Variants in KALRN observed in about 807,000 individuals in gnomAD.
KALRN encodes kalirin RhoGEF kinase.
Under a neutral mutation model 353.7 loss-of-function variants are expected in KALRN, and 70 were observed. The ratio of observed to expected loss-of-function variants is 0.20; its 90% confidence interval spans 0.16 to 0.24. KALRN has a LOEUF of 0.24. KALRN is among the 10% of genes least tolerant of loss of function. The probability of loss-of-function intolerance (pLI) is 1.00; values close to 1 mark genes in which losing one functional copy is unlikely to be tolerated. For synonymous variants in KALRN, 1,391 were observed against 1,434.8 expected, an observed-to-expected ratio of 0.97 and a Z score of 0.69; for missense variants, 2,791 against 3,756.7, an observed-to-expected ratio of 0.74 and a Z score of 6.72.
intron 51 of KALRN, among the ~76,000 whole-genome samples, chr3:124,691,345 T>C (rs775692611): frequency 6.6e-6 from 1 of 152,168 alleles, no homozygotes; most frequent in Non-Finnish European, 1.5e-5. Flanking sequence ...GGGGAATCAC[T>C]TGAACCGGGG....
At chr3:124,600,702 A>G (rs748922488) in intron 34 of KALRN, among the ~76,000 whole-genome samples, 37 of 152,334 alleles carry the variant, frequency 2.4e-4, no homozygotes, top group South Asian at 1.2e-3. Context: ...TTAGAGTGGC[A>G]TCAGATGTGA....
At chr3:124,156,441 G>A (rs2069008851) in intron 1 of KALRN, among the ~76,000 whole-genome samples, 1 of 152,104 alleles carries the variant, frequency 6.6e-6, no homozygotes, top group Admixed American at 6.5e-5. Context: ...CTTTATTAAT[G>A]CTTGATCACC....
intron 1 of KALRN, among the ~76,000 whole-genome samples, chr3:124,119,259 G>A (rs2063747279): frequency 6.6e-6 from 1 of 152,126 alleles, no homozygotes; most frequent in Admixed American, 6.6e-5. Flanking sequence ...AGAGGGAGCT[G>A]GAAAGGAAAA....
At position 124,637,214 on chromosome 3, in the gene KALRN, T is replaced by A. The variant is rs1270580232; in HGVS notation, c.5575T>A (p.Ser1859Thr). ...NDPTQDEMSS[S>T]LLAARQASTE... ...GCTGCCCGATGTCTTGCAGTCCTCC[T>A]CTTTGCTAGCAGCCCGGCAGGCTTC... The change falls in exon 37 of 60, where the codon TCT (serine) becomes ACT (threonine). Residue 1859 changes from serine (S) to threonine (T), a missense_variant. Ser to Thr is a moderately conservative substitution (Grantham distance 58, BLOSUM62 1). Transcript: ENST00000682506. 5.0e-6 allele frequency: 8 copies of A among 1,613,746 alleles called. No individual in the cohort carries two copies. The Admixed American group carries it at 1.3e-4, about 27-fold the overall frequency.
rs201792111 is a variant in KALRN, at chr3:124,632,633, G to A, written c.5396G>A (p.Arg1799Gln). 35 of 1,614,038 alleles carry A rather than the reference G, an allele frequency of 2.2e-5. No individual in the cohort carries two copies. Among genetic ancestry groups the A allele is most frequent in the Middle Eastern group, 1.6e-4 (1 of 6,084 alleles). ...AAGCAGAAGAAAGTTCGCGATGGTC[G>A]GAAGAGCTTTGACCTGGGATCTCCC... ...IKKQKKVRDG[R>Q]KSFDLGSPKP... The change falls in exon 35 of 60, where the codon CGG (arginine) becomes CAG (glutamine). Residue 1799 changes from arginine (R) to glutamine (Q), a missense_variant. Physicochemically the swap from Arg to Gln is conservative, Grantham distance 43. Coordinates refer to ENST00000682506, the MANE Select transcript of KALRN (RefSeq NM_001388419.1).
At chr3:124,093,749 C>G (rs1429456414) in intron 1 of KALRN, among the ~76,000 whole-genome samples, 2 of 151,864 alleles carry the variant, frequency 1.3e-5, no homozygotes, top group Non-Finnish European at 2.9e-5. Flanking sequence ...GAGTCATATA[C>G]AAAGGAGAAG....
At chr3:124,415,420 G>A (rs191766680) in intron 14 of KALRN, among the ~76,000 whole-genome samples, 7 of 152,322 alleles carry the variant, frequency 4.6e-5, no homozygotes, top group African/African-American at 1.4e-4. Context: ...TGATCCCCAT[G>A]TCAGCAGCAT....
rs571333834 is a variant in KALRN, at chr3:124,212,252, C to T, written c.74-15738C>T. ...AAAAAAAATGAAATATCCCCATAATCTCACACCCCAGAAATACATTATGTC... is the reference window on the plus strand; with the variant it reads ...AAAAAAAATGAAATATCCCCATAATTTCACACCCCAGAAATACATTATGTC... On this transcript the variant is annotated intron_variant, in intron 1 of 59. Transcript: ENST00000682506. Among the ~76,000 whole-genome samples, 6 of 151,718 alleles carry T rather than the reference C, an allele frequency of 4.0e-5. No homozygotes were observed. In the East Asian group the frequency reaches 9.7e-4, roughly 25 times the overall value.
At chr3:124,359,079 T>G (rs899662610) in intron 10 of KALRN, among the ~76,000 whole-genome samples, 1 of 152,154 alleles carries the variant, frequency 6.6e-6, no homozygotes, top group African/African-American at 2.4e-5. Context: ...ACTTTTTCCC[T>G]CCTTGCCTCT....
At chr3:124,311,064 CTTTTTTT>C (rs71145446) in intron 6 of KALRN, among the ~76,000 whole-genome samples, 26 of 67,526 alleles carry the variant, frequency 3.9e-4, no homozygotes, top group East Asian at 2.8e-3. Context: ...GATACTACTT[CTTTTTTT>C]TTTTTTTTTT....
chr3:124,606,807 A>T (rs990948757), intron 34 of KALRN, among the ~76,000 whole-genome samples: 6 of 152,220 alleles, frequency 3.9e-5, no homozygotes, highest in Non-Finnish European at 7.3e-5. Flanking sequence ...CCAATATTTT[A>T]AAAAAGGGCA....
intron 1 of KALRN, chr3:124,163,500 A>G: frequency 3.2e-6 from 2 of 626,588 alleles, no homozygotes; most frequent in South Asian, 7.0e-5. Flanking sequence ...TGAAGAAAAA[A>G]TGTCCCCATC....
intron 34 of KALRN, among the ~76,000 whole-genome samples, chr3:124,591,095 G>A (rs934514944): frequency 6.6e-6 from 1 of 152,130 alleles, no homozygotes; most frequent in Admixed American, 6.6e-5. Flanking sequence ...ACTGCCTGGA[G>A]CCATTTGGAA....
intron 9 of KALRN, among the ~76,000 whole-genome samples, chr3:124,340,847 T>C (rs919000982): frequency 6.6e-6 from 1 of 151,946 alleles, no homozygotes; most frequent in Non-Finnish European, 1.5e-5. Flanking sequence ...TCCCAGCTAC[T>C]CAGGAGGCTG....
intron 1 of KALRN, among the ~76,000 whole-genome samples, chr3:124,092,617 T>C (rs901632862): frequency 7.2e-5 from 11 of 152,234 alleles, no homozygotes; most frequent in Admixed American, 2.0e-4. Flanking sequence ...TGCCCTACTG[T>C]GAGGGCTCCC....
At chr3:124,528,494 T>C (rs1440246061) in intron 33 of KALRN, among the ~76,000 whole-genome samples, 1 of 152,094 alleles carries the variant, frequency 6.6e-6, no homozygotes, top group African/African-American at 2.4e-5. Context: ...TGCAGCAGAC[T>C]CGAGAGTTAA....
intron 10 of KALRN, among the ~76,000 whole-genome samples, chr3:124,368,880 G>A (rs946342544): frequency 8.5e-5 from 13 of 152,348 alleles, no homozygotes; most frequent in African/African-American, 2.2e-4. Flanking sequence ...CCAACACAGC[G>A]AAACCCCATC....
At position 124,598,834 on chromosome 3, in the gene KALRN, G is replaced by A. The variant is rs185961885; in HGVS notation, c.5183-33586G>A. ...TGGGACCACAGTAGCACGCCACTAC[G>A]CCTAGCTAATTTCTTATATTTAATA... On this transcript the variant is annotated intron_variant, in intron 34 of 59. Transcript: ENST00000682506. 4.1e-4 allele frequency among the ~76,000 whole-genome samples: 63 copies of A among 152,162 alleles called. No homozygotes were observed. The East Asian group carries it at 7.2e-3, about 17-fold the overall frequency.
intron 10 of KALRN, among the ~76,000 whole-genome samples, chr3:124,350,479 A>T (rs1026972104): frequency 2.0e-5 from 3 of 152,172 alleles, no homozygotes; most frequent in Non-Finnish European, 2.9e-5. Flanking sequence ...GGCTCTGCTG[A>T]GATTCAAACC....
Sources: allele counts gnomAD v4.1 joint callset (sites outside exome capture counted in the v4.1 genomes callset), GRCh38; gene constraint gnomAD v4.1.1; transcripts MANE v1.5; gene names NCBI Gene and HGNC (gene_info 2026-07-23, HGNC 2026-07-21).